Variants in ASAP3 observed in about 807,000 individuals in gnomAD.
The protein encoded by ASAP3 is arf-GAP with SH3 domain, ANK repeat and PH domain-containing protein 3.
A neutral mutation model predicts 118.2 loss-of-function variants in ASAP3; 85 were observed. The observed-to-expected ratio is 0.72, with a 90% CI of 0.60 to 0.86. ASAP3 has a LOEUF of 0.86. Among genes scored for constraint, ASAP3 ranks in the 40% least tolerant of loss-of-function variants. The probability of loss-of-function intolerance (pLI) is 0.00; values close to 1 mark genes in which losing one functional copy is unlikely to be tolerated. For missense variants in ASAP3, 1,026 were observed against 1,175.0 expected, an observed-to-expected ratio of 0.87 and a Z score of 1.85; for synonymous variants, 432 against 477.4, an observed-to-expected ratio of 0.90 and a Z score of 1.24.
chr1:23,477,827 C>T (rs1453965931), intron 1 of ASAP3, among the ~76,000 whole-genome samples: 1 of 152,200 alleles, frequency 6.6e-6, no homozygotes, highest in Non-Finnish European at 1.5e-5. Flanking sequence ...GATCCTCTCA[C>T]CTCGGCCTCC....
chr1:23,442,626 A>G lies in ASAP3; in HGVS notation c.474-14T>C, dbSNP rs1372078086. 1.1e-5 allele frequency: 17 copies of G among 1,612,504 alleles called. No individual in the cohort carries two copies. The highest frequency in any genetic ancestry group is 1.4e-5 in the Non-Finnish European group (16 of 1,179,480). On this transcript the variant is annotated splice_polypyrimidine_tract_variant and intron_variant, in intron 5 of 24. Transcript: ENST00000336689. ...TCCAGCTTGGCCCTAGACCCCAAGG[A>G]AAGAGAAGCCTGAACAAGTCTCACC...
chr1:23,431,150 T>C, intron 23 of ASAP3, 25 bp from the exon 24 acceptor site: 2 of 1,563,052 alleles, frequency 1.3e-6, no homozygotes, highest in Non-Finnish European at 1.7e-6. Flanking sequence ...AAGGCCAACA[T>C]GACCCTCATG....
In ASAP3 at chr1:23,431,099, C is replaced by T. The variant is rs745986617; in HGVS notation, c.2573G>A (p.Arg858Gln). The T allele has an allele frequency of 2.2e-5, 34 of 1,572,988 alleles. No individual in the cohort carries two copies. The highest frequency in any genetic ancestry group is 1.3e-4 in the Admixed American group (7 of 53,516). Reference protein sequence around the residue: ...FSSESTRSYRRGARSPEDGPS... With the variant: ...FSSESTRSYRQGARSPEDGPS... The stretch of plus-strand genomic sequence containing the variant: ...ACCATCTTCAGGGCTCCGCGCCCCC[C>T]GCCGATAGGAGCGAGTGCTCTCGGA... The change falls in exon 24 of 25, where the codon CGG (arginine) becomes CAG (glutamine). Residue 858 changes from arginine (R) to glutamine (Q), a missense_variant. Physicochemically the swap from Arg to Gln is conservative, Grantham distance 43 (BLOSUM62 1). Coordinates refer to ENST00000336689, the MANE Select transcript of ASAP3 (RefSeq NM_017707.4).
chr1:23,435,787 T>C (rs780315306), intron 17 of ASAP3, 64 bp downstream of exon 17: 16 of 1,588,014 alleles, frequency 1.0e-5, no homozygotes. Context: ...CAGCTGGTCC[T>C]GGAGAAGAAC....
In ASAP3 at chr1:23,438,203, G is replaced by C. The variant is rs1013234960; in HGVS notation, c.1102+544C>G. ...GAGCCTTTCCTGATTCCCCACAGCAGTGCAGGCCTTCCTGCTCCCTAATCT... is the reference window on the plus strand; with the variant it reads ...GAGCCTTTCCTGATTCCCCACAGCACTGCAGGCCTTCCTGCTCCCTAATCT... On this transcript the variant is annotated intron_variant, in intron 12 of 24. Coordinates refer to ENST00000336689, the MANE Select transcript of ASAP3 (RefSeq NM_017707.4). The surrounding 1 kb of genome is among the most constrained non-coding windows in gnomAD (Gnocchi z 4.9). 1.3e-5 allele frequency among the ~76,000 whole-genome samples: 2 copies of C among 152,100 alleles called. No homozygotes were observed. Among genetic ancestry groups the C allele is most frequent in the African/African-American group, 2.4e-5 (1 of 41,408 alleles).
At chr1:23,459,917 C>A (rs2148642822) in intron 1 of ASAP3, among the ~76,000 whole-genome samples, 1 of 152,308 alleles carries the variant, frequency 6.6e-6, no homozygotes, top group Non-Finnish European at 1.5e-5. Flanking sequence ...TTTCAGATGG[C>A]CACTTGGCGA....
chr1:23,476,408 T>C (rs950591068), intron 1 of ASAP3, among the ~76,000 whole-genome samples: 8 of 151,630 alleles, frequency 5.3e-5, no homozygotes, highest in African/African-American at 1.9e-4. Flanking sequence ...ACTGCCCACA[T>C]GTACTCCATC....
At chr1:23,458,918 C>A (rs1641478437) in intron 1 of ASAP3, among the ~76,000 whole-genome samples, 1 of 152,090 alleles carries the variant, frequency 6.6e-6, no homozygotes, top group African/African-American at 2.4e-5. Context: ...CGCCTGTAAT[C>A]CTAGCACTCT....
intron 17 of ASAP3, among the ~76,000 whole-genome samples, chr1:23,434,838 C>T (rs1451920570): frequency 6.6e-6 from 1 of 152,202 alleles, no homozygotes; most frequent in Non-Finnish European, 1.5e-5. Context: ...CTGCCCCCAA[C>T]AAGTGTTTCC....
intron 1 of ASAP3, among the ~76,000 whole-genome samples, chr1:23,473,691 G>A (rs1642029486): frequency 6.6e-6 from 1 of 152,178 alleles, no homozygotes; most frequent in South Asian, 2.1e-4. Context: ...GCAAGGAAGT[G>A]AGCACAAAAA....
intron 19 of ASAP3, 47 bp from the exon 20 acceptor site, chr1:23,433,740 T>C (rs759096011): frequency 5.0e-6 from 8 of 1,611,702 alleles, no homozygotes; most frequent in Non-Finnish European, 6.8e-6. Context: ...CAAAGAAACA[T>C]TACAGCTTAG....
Position 23,434,182 on chromosome 1 carries a change from C to T in ASAP3, c.1951+72G>A, listed in dbSNP as rs755258397. ...TCAGAAGCAAGCCAGGATTAGAGCC[C>T]GAGACCATCGGAAGTCCACATAAGG... On this transcript the variant is annotated intron_variant, in intron 19 of 24. Coordinates refer to ENST00000336689, the MANE Select transcript of ASAP3 (RefSeq NM_017707.4). 7.5e-5 allele frequency: 110 copies of T among 1,476,470 alleles called. No homozygotes were observed. In the Middle Eastern group the frequency reaches 8.6e-4, roughly 12 times the overall value. The allele number at this position is 1,476,470 out of a possible 1,614,324, so 91.5% of individuals were successfully genotyped here.
At chr1:23,432,490 T>A (rs917248044) in intron 22 of ASAP3, among the ~76,000 whole-genome samples, 1 of 152,184 alleles carries the variant, frequency 6.6e-6, no homozygotes, top group Non-Finnish European at 1.5e-5. Flanking sequence ...TCATATGCTA[T>A]CCTCACCAGG....
At chr1:23,452,654 T>G in intron 4 of ASAP3, 43 bp downstream of exon 4, 3 of 1,511,828 alleles carry the variant, frequency 2.0e-6, no homozygotes, top group Non-Finnish European at 2.7e-6. Context: ...TGCCCACCCC[T>G]CTTTTACTCT....
chr1:23,431,676 A>C lies in ASAP3; in HGVS notation c.2546+20T>G. 1.3e-6 allele frequency: 2 copies of C among 1,518,872 alleles called. No homozygotes were observed. The highest frequency in any genetic ancestry group is 1.8e-6 in the Non-Finnish European group (2 of 1,139,436). 94.1% of individuals were successfully genotyped at this position (1,518,872 alleles called of 1,614,324 possible). On this transcript the variant is annotated intron_variant, in intron 23 of 24. Transcript: ENST00000336689. ...AAGTCAGGGGATTTGCCCTGGTTGC[A>C]CAGCTGGGCCCTCACCAACCTGAAT...
At chr1:23,481,179 TA>T (rs959857359) in intron 1 of ASAP3, among the ~76,000 whole-genome samples, 130 of 152,276 alleles carry the variant, frequency 8.5e-4, no homozygotes, top group African/African-American at 3.0e-3. Context: ...GTCTCTATCT[TA>T]AAAGGGTCCC....
chr1:23,477,649 G>A (rs779967659), intron 1 of ASAP3, among the ~76,000 whole-genome samples: 9 of 152,130 alleles, frequency 5.9e-5, no homozygotes, highest in Admixed American at 1.3e-4. Context: ...AGGCCTTGAC[G>A]AGGAGGATGA....
chr1:23,436,684 G>A lies in ASAP3; in HGVS notation c.1477-30C>T. ...AGTCGTAGGAAAATAGACGTGGGGCGGAGTAAGACCGGGCGGTTAAGCCTG... is the reference window on the plus strand; with the variant it reads ...AGTCGTAGGAAAATAGACGTGGGGCAGAGTAAGACCGGGCGGTTAAGCCTG... On this transcript the variant is annotated intron_variant, in intron 15 of 24. Transcript: ENST00000336689. The surrounding 1 kb of genome is among the most constrained non-coding windows in gnomAD (Gnocchi z 4.2). The A allele has an allele frequency of 2.5e-6, 4 of 1,612,782 alleles. No homozygotes were observed. Among genetic ancestry groups the A allele is most frequent in the East Asian group, 2.2e-5 (1 of 44,872 alleles).
In ASAP3 at chr1:23,437,002, A is replaced by T; in HGVS notation, c.1385T>A (p.Ile462Asn). Residue 462 changes from isoleucine (I) to asparagine (N), a missense_variant, in exon 15 of 25, where the codon ATC (isoleucine) becomes AAC (asparagine). Transcript: ENST00000336689. The surrounding 1 kb of genome is among the most constrained non-coding windows in gnomAD (Gnocchi z 6.1). Reference protein sequence around the residue: ...LSTNLGVLTCIQCSGVHRELG... With the variant: ...LSTNLGVLTCNQCSGVHRELG... Reference sequence around the variant, plus strand: ...TTCGCGGTGGACGCCCGAGCACTGGATGCAGGTGAGCACGCCCAGGTTGGT... The same window carrying T: ...TTCGCGGTGGACGCCCGAGCACTGGTTGCAGGTGAGCACGCCCAGGTTGGT... 6.2e-7 allele frequency: 1 copy of T among 1,612,310 alleles called. No homozygotes were observed. Among genetic ancestry groups the T allele is most frequent in the Non-Finnish European group, 8.5e-7 (1 of 1,179,652 alleles).
Sources: gnomAD v4.1 joint callset for allele counts (sites outside exome capture counted in the v4.1 genomes callset) on GRCh38, gnomAD v4.1.1 for gene constraint, Gnocchi (gnomAD v3.1) non-coding constraint, MANE v1.5 for transcripts, NCBI Gene and HGNC (gene_info 2026-07-23, HGNC 2026-07-21) for gene names.